The following LRRC58 variants were observed in gnomAD, a reference collection of about 807,000 sequenced individuals.
The protein encoded by LRRC58 is leucine-rich repeat-containing protein 58.
LRRC58 carries 18 observed loss-of-function variants against 30.6 expected under a neutral mutation model. The observed-to-expected ratio is 0.59, with a 90% confidence interval of 0.41 to 0.87. LRRC58 has a LOEUF of 0.87. Among genes scored for constraint, LRRC58 ranks in the 40% least tolerant of loss-of-function variants. LRRC58 has a pLI of 0.00. For missense variants in LRRC58, 420 were observed against 468.4 expected, an observed-to-expected ratio of 0.90 and a Z score of 0.95; for synonymous variants, 221 against 206.0, an observed-to-expected ratio of 1.07 and a Z score of -0.62.
chr3:120,339,735 G>A (rs891780209), intron 1 of LRRC58, among the ~76,000 whole-genome samples: 5 of 151,918 alleles, frequency 3.3e-5, no homozygotes, highest in Admixed American at 2.0e-4. Context: ...GTTTTACTAC[G>A]ACATGTTAAG....
chr3:120,347,821 T>C (rs1318307188), intron 1 of LRRC58, among the ~76,000 whole-genome samples: 3 of 152,240 alleles, frequency 2.0e-5, no homozygotes, highest in Non-Finnish European at 4.4e-5. Context: ...TTTCGTTTTG[T>C]ACAATACATT....
intron 1 of LRRC58, among the ~76,000 whole-genome samples, chr3:120,337,397 T>C (rs567667048): frequency 1.2e-3 from 178 of 152,358 alleles, no homozygotes; most frequent in African/African-American, 4.2e-3. Flanking sequence ...CATCTTTTTA[T>C]GGTTTTAGAC....
chr3:120,349,318 G>A lies in LRRC58; in HGVS notation c.-75C>T. On this transcript the variant is annotated 5_prime_UTR_variant, in exon 1 of 4. Transcript: ENST00000295628. ...CGGTCCAGAGGCCGGGAGCTCTGCG[G>A]CGCCCCGGAACCTGAACCGAGGGCT... The A allele has an allele frequency of 1.5e-6, 2 of 1,312,882 alleles. No homozygotes were observed. The highest frequency in any genetic ancestry group is 2.0e-5 in the South Asian group (1 of 49,280). The allele number at this position is 1,312,882 out of a possible 1,614,324, so 81.3% of individuals were successfully genotyped here. A position where few individuals can be genotyped will look rare whatever the true frequency, so the allele number is the denominator to read the frequency against.
chr3:120,344,461 T>C (rs866839506), intron 1 of LRRC58, among the ~76,000 whole-genome samples: 8 of 152,322 alleles, frequency 5.3e-5, no homozygotes, highest in Non-Finnish European at 8.8e-5. Flanking sequence ...CTTTACTGCA[T>C]TCTATCATCT....
In LRRC58 at chr3:120,349,192, A is replaced by G. The variant is rs1311830274; in HGVS notation, c.52T>C (p.Trp18Arg). 2 of 1,466,942 alleles carry G rather than the reference A, an allele frequency of 1.4e-6. No homozygotes were observed. Among genetic ancestry groups the G allele is most frequent in the Non-Finnish European group, 9.0e-7 (1 of 1,115,554 alleles). The allele number at this position is 1,466,942 out of a possible 1,614,324, so 90.9% of individuals were successfully genotyped here. Residue 18 changes from tryptophan (W) to arginine (R), a missense_variant, in exon 1 of 4, where the codon TGG becomes CGG. Trp to Arg is a moderately radical substitution (Grantham distance 101, BLOSUM62 -3). Coordinates refer to ENST00000295628, the MANE Select transcript of LRRC58 (RefSeq NM_001099678.2). Reference sequence around the variant, plus strand: ...TCGGTGGACACGCTGAGGCGGGACCAGTTCAGTTCGGCCTCCCCGGCCGTG... The same window carrying G: ...TCGGTGGACACGCTGAGGCGGGACCGGTTCAGTTCGGCCTCCCCGGCCGTG... ...VVTAGEAELN[W>R]SRLSVSTETL...
chr3:120,344,726 T>C (rs1479715323), intron 1 of LRRC58, among the ~76,000 whole-genome samples: 1 of 152,188 alleles, frequency 6.6e-6, no homozygotes, highest in Non-Finnish European at 1.5e-5. Context: ...GCATACTGGA[T>C]TTGCCAAACA....
At chr3:120,342,621 G>A (rs1935918232) in intron 1 of LRRC58, among the ~76,000 whole-genome samples, 1 of 152,270 alleles carries the variant, frequency 6.6e-6, no homozygotes, top group African/African-American at 2.4e-5. Context: ...GGGACCACCT[G>A]CCTACAGAGA....
At chr3:120,348,393 G>A (rs1936002736) in intron 1 of LRRC58, among the ~76,000 whole-genome samples, 1 of 152,166 alleles carries the variant, frequency 6.6e-6, no homozygotes. Context: ...TTGATCTATA[G>A]AGATGGAAAT....
chr3:120,340,790 A>C (rs1576183873), intron 1 of LRRC58, among the ~76,000 whole-genome samples: 1 of 152,242 alleles, frequency 6.6e-6, no homozygotes, highest in Non-Finnish European at 1.5e-5. Context: ...CCAGCTACTC[A>C]GGAGGCTAAG....
At chr3:120,344,066 A>C in intron 1 of LRRC58, among the ~76,000 whole-genome samples, 1 of 151,874 alleles carries the variant, frequency 6.6e-6, no homozygotes, top group Non-Finnish European at 1.5e-5. Context: ...AACAAACAAA[A>C]ACAAAAAAAA....
At position 120,349,314 on chromosome 3, in the gene LRRC58, T is replaced by G; in HGVS notation, c.-71A>C. 1.2e-5 allele frequency: 16 copies of G among 1,316,770 alleles called. No individual in the cohort carries two copies. The highest frequency in any genetic ancestry group is 1.5e-5 in the Non-Finnish European group (16 of 1,033,738). 81.6% of individuals were successfully genotyped at this position (1,316,770 alleles called of 1,614,324 possible). ...CGCGCGGTCCAGAGGCCGGGAGCTC[T>G]GCGGCGCCCCGGAACCTGAACCGAG... On this transcript the variant is annotated 5_prime_UTR_variant, in exon 1 of 4. Transcript: ENST00000295628.
At chr3:120,343,845 C>T (rs538962340) in intron 1 of LRRC58, among the ~76,000 whole-genome samples, 1 of 152,198 alleles carries the variant, frequency 6.6e-6, no homozygotes, top group Non-Finnish European at 1.5e-5. Context: ...GCCTGGCCAA[C>T]ATGGTGAAAC....
chr3:120,333,096 AAAAAAAAAAAG>A (rs1327773413), intron 3 of LRRC58, among the ~76,000 whole-genome samples: 1 of 151,616 alleles, frequency 6.6e-6, no homozygotes, highest in Non-Finnish European at 1.5e-5. Flanking sequence ...CGTCTCAAAA[AAAAAAAAAAAG>A]AAAAAAAAAA....
rs752591874 is a variant in LRRC58, at chr3:120,348,726, C to T, written c.500+18G>A. The stretch of plus-strand genomic sequence containing the variant: ...CACCGCCCGAGGCCTCCCCACCCTC[C>T]GGCACACACCCGCTCACCTCTGCAA... On this transcript the variant is annotated intron_variant, in intron 1 of 3. Transcript: ENST00000295628. 2.6e-6 allele frequency: 4 copies of T among 1,537,616 alleles called. No homozygotes were observed. Among genetic ancestry groups the T allele is most frequent in the East Asian group, 2.5e-5 (1 of 40,734 alleles).
chr3:120,336,869 A>ATATTATACTATAAATAAATAAATAAAATG (rs1935841989), intron 1 of LRRC58, among the ~76,000 whole-genome samples: 1 of 147,586 alleles, frequency 6.8e-6, no homozygotes, highest in Non-Finnish European at 1.5e-5. Context: ...ATATATTTAT[A>ATATTATACTATAAATAAATAAATAAAATG]TATATTATAC....
intron 1 of LRRC58, among the ~76,000 whole-genome samples, chr3:120,344,468 A>T (rs1026903170): frequency 2.0e-5 from 3 of 152,210 alleles, no homozygotes; most frequent in Admixed American, 2.0e-4. Flanking sequence ...GCATTCTATC[A>T]TCTGGTTGAG....
chr3:120,332,015 A>G (rs1267088556), intron 3 of LRRC58, among the ~76,000 whole-genome samples: 1 of 152,206 alleles, frequency 6.6e-6, no homozygotes, highest in Non-Finnish European at 1.5e-5. Flanking sequence ...ACTGAAAGTA[A>G]TATCTGGCCC....
chr3:120,340,134 C>T lies in LRRC58; in HGVS notation c.501-4181G>A, dbSNP rs1278745588. Among the ~76,000 whole-genome samples, 3 of 152,312 alleles carry T rather than the reference C, an allele frequency of 2.0e-5. No individual in the cohort carries two copies. The East Asian group carries it at 5.8e-4, about 29-fold the overall frequency. On this transcript the variant is annotated intron_variant, in intron 1 of 3. Coordinates refer to ENST00000295628, the MANE Select transcript of LRRC58 (RefSeq NM_001099678.2). ...TTGGCCTCCCAAAGTGCTGGGATTA[C>T]AGGCATGAGCCACCATGCCCAGCTG...
rs1369539964 is a variant in LRRC58, at chr3:120,328,613, T to C, written c.*2587A>G. 6.6e-6 allele frequency: 1 copy of C among 152,246 alleles called. No homozygotes were observed. The highest frequency in any genetic ancestry group is 1.5e-5 in the Non-Finnish European group (1 of 68,042). 9.4% of individuals were successfully genotyped at this position (152,246 alleles called of 1,614,324 possible). The stretch of plus-strand genomic sequence containing the variant: ...CTTAAGAACTAAAGAGACAGACTTA[T>C]TTTAAATGCATAGTTAGCTACATGA... On this transcript the variant is annotated 3_prime_UTR_variant, in exon 4 of 4. Transcript: ENST00000295628.
Sources: gnomAD v4.1 joint callset for allele counts (sites outside exome capture counted in the v4.1 genomes callset) on GRCh38, gnomAD v4.1.1 for gene constraint, MANE v1.5 for transcripts, NCBI Gene and HGNC (gene_info 2026-07-23, HGNC 2026-07-21) for gene names.